The following POC1B variants were observed in gnomAD, a reference collection of about 807,000 sequenced individuals.
POC1B encodes the protein POC1 centriolar protein homolog B.
Under a neutral mutation model 60.6 loss-of-function variants are expected in POC1B, and 44 were observed. That is an observed-to-expected ratio of 0.73 (90% CI 0.57 to 0.93). The LOEUF is 0.93. POC1B is among the 40% of genes least tolerant of loss of function. The pLI is 0.00. For missense variants in POC1B, 555 were observed against 572.3 expected, an observed-to-expected ratio of 0.97 and a Z score of 0.31; for synonymous variants, 180 against 198.9, an observed-to-expected ratio of 0.90 and a Z score of 0.80.
intron 2 of POC1B, among the ~76,000 whole-genome samples, chr12:89,514,184 G>A (rs891255951): frequency 2.0e-5 from 3 of 151,976 alleles, no homozygotes; most frequent in African/African-American, 4.8e-5. Context: ...TCGTGATAGT[G>A]AGTGAGTTCT....
chr12:89,470,422 C>T lies in POC1B; in HGVS notation c.749G>A (p.Gly250Asp). 6.2e-7 allele frequency: 1 copy of T among 1,605,348 alleles called. No individual in the cohort carries two copies. The highest frequency in any genetic ancestry group is 8.5e-7 in the Non-Finnish European group (1 of 1,173,408). ...GNYLITASSDGTLKILDLLEG... is the reference protein window; with the variant it reads ...GNYLITASSDDTLKILDLLEG... The stretch of plus-strand genomic sequence containing the variant: ...TAAGAGGTCCAGAATCTTAAGGGTA[C>T]CATCTGAAGAAGCTGTGATGAGATA... The change falls in exon 7 of 12, where the codon GGT (glycine) becomes GAT (aspartate). Residue 250 changes from glycine to aspartate, a missense_variant. Coordinates refer to ENST00000313546, the MANE Select transcript of POC1B (RefSeq NM_172240.3).
intron 2 of POC1B, among the ~76,000 whole-genome samples, chr12:89,507,266 C>CAA (rs34750133): frequency 0.018 from 1,137 of 63,862 alleles, 83 homozygotes; most frequent in East Asian, 0.084. Context: ...GGCCCTGTCT[C>CAA]AAAAAAAAAA....
intron 9 of POC1B, among the ~76,000 whole-genome samples, chr12:89,465,689 G>A (rs1473080817): frequency 6.6e-6 from 1 of 151,934 alleles, no homozygotes; most frequent in Non-Finnish European, 1.5e-5. Flanking sequence ...CAAAGAAGTG[G>A]TAACATGATT....
At chr12:89,442,082 C>T (rs10858855) in intron 10 of POC1B, among the ~76,000 whole-genome samples, 1 of 151,992 alleles carries the variant, frequency 6.6e-6, no homozygotes, top group Non-Finnish European at 1.5e-5. Context: ...ATGAACAAAG[C>T]CTCCAAGAAA....
At position 89,452,407 on chromosome 12, in the gene POC1B, CT is replaced by C. The variant is rs1013894889; in HGVS notation, c.1113+7230del. On this transcript the variant is annotated intron_variant, in intron 10 of 11. Transcript: ENST00000313546. ...TTTATAAATCCTTTTGTAAATTTTC[CT>C]TTTTTTTTTCTGTCTTCACATTTTA... is the stretch of plus-strand genomic sequence containing the variant. Among the ~76,000 whole-genome samples, 23 of 148,632 alleles carry C rather than the reference CT, an allele frequency of 1.5e-4. No individual in the cohort carries two copies. The East Asian group carries it at 2.0e-3, about 13-fold the overall frequency.
intron 4 of POC1B, among the ~76,000 whole-genome samples, chr12:89,490,400 A>G (rs1868897758): frequency 6.6e-6 from 1 of 152,056 alleles, no homozygotes; most frequent in South Asian, 2.1e-4. Context: ...GATGGAGTGC[A>G]GTGGTATGAT....
intron 2 of POC1B, among the ~76,000 whole-genome samples, chr12:89,514,747 T>A (rs974090708): frequency 1.3e-5 from 2 of 151,882 alleles, no homozygotes; most frequent in African/African-American, 4.8e-5. Context: ...CAGACTAATA[T>A]ATCCTACCTT....
At chr12:89,506,790 AGGTTCCAGCGG>A (rs1164637325) in intron 2 of POC1B, among the ~76,000 whole-genome samples, 1 of 152,056 alleles carries the variant, frequency 6.6e-6, no homozygotes, top group South Asian at 2.1e-4. Context: ...AAGAGAGAGG[AGGTTCCAGCGG>A]GGCTTCCTGG....
chr12:89,509,611 TC>T (rs1349277892), intron 2 of POC1B, among the ~76,000 whole-genome samples: 1 of 152,240 alleles, frequency 6.6e-6, no homozygotes, highest in Non-Finnish European at 1.5e-5. Context: ...CTATTATCTA[TC>T]TATATGTAGG....
chr12:89,524,874 G>T, intron 2 of POC1B: 1 of 648,368 alleles, frequency 1.5e-6, no homozygotes, highest in East Asian at 2.8e-5. Context: ...TGGTTAGTTT[G>T]CGAAAGTCGT....
intron 2 of POC1B, among the ~76,000 whole-genome samples, chr12:89,511,933 A>G (rs536750143): frequency 6.6e-5 from 10 of 152,114 alleles, no homozygotes; most frequent in Non-Finnish European, 1.5e-4. Flanking sequence ...GTGCACCTAT[A>G]GTACTAGCTA....
At chr12:89,442,240 A>G (rs949537551) in intron 10 of POC1B, among the ~76,000 whole-genome samples, 3 of 152,240 alleles carry the variant, frequency 2.0e-5, no homozygotes, top group African/African-American at 7.2e-5. Context: ...ATTCAAATTC[A>G]GGAAATACAG....
intron 9 of POC1B, 186 bp downstream of exon 9, chr12:89,466,584 C>A: frequency 2.1e-6 from 1 of 483,464 alleles, no homozygotes. Flanking sequence ...AGTTTTACTT[C>A]TGGGCCTTCA....
At chr12:89,461,347 T>C (rs986745028) in intron 9 of POC1B, 1 of 152,164 alleles carries the variant, frequency 6.6e-6, no homozygotes, top group Non-Finnish European at 1.5e-5. Context: ...TAAAAGAGCA[T>C]TCTTCATGGC....
intron 4 of POC1B, among the ~76,000 whole-genome samples, chr12:89,486,762 G>T (rs1302162356): frequency 6.6e-6 from 1 of 152,168 alleles, no homozygotes; most frequent in Non-Finnish European, 1.5e-5. Flanking sequence ...GAGCTAAAAT[G>T]AATGTCTTGA....
At chr12:89,417,948 T>C (rs546039698), downstream of POC1B, among the ~76,000 whole-genome samples, 1 of 152,362 alleles carries the variant, frequency 6.6e-6, no homozygotes, top group South Asian at 2.1e-4. Flanking sequence ...ATTGTTATCC[T>C]ATATTCACAC....
chr12:89,481,551 A>T (rs1868364970), intron 4 of POC1B, among the ~76,000 whole-genome samples: 1 of 152,236 alleles, frequency 6.6e-6, no homozygotes, highest in Admixed American at 6.5e-5. Flanking sequence ...ATCAGAACTC[A>T]GGGCTGCTAA....
At chr12:89,506,155 T>A (rs1052120949) in intron 2 of POC1B, among the ~76,000 whole-genome samples, 1 of 152,114 alleles carries the variant, frequency 6.6e-6, no homozygotes, top group Admixed American at 6.5e-5. Context: ...CAGGGAGAGG[T>A]TCTGACTGTA....
chr12:89,446,673 C>T lies in POC1B; in HGVS notation c.1113+12965G>A, dbSNP rs540602343. ...GTAAATGACGAGTTAATGGGTGCAG[C>T]ACACCAACATGGCACATGTACATAT... is the stretch of plus-strand genomic sequence containing the variant. On this transcript the variant is annotated intron_variant, in intron 10 of 11. Transcript: ENST00000313546. 2.0e-4 allele frequency among the ~76,000 whole-genome samples: 30 copies of T among 151,204 alleles called. 1 individual carries two copies. The highest frequency in any genetic ancestry group is 6.8e-4 in the African/African-American group (28 of 41,116).
Sources: allele counts gnomAD v4.1 joint callset (sites outside exome capture counted in the v4.1 genomes callset), GRCh38; gene constraint gnomAD v4.1.1; transcripts MANE v1.5; gene names NCBI Gene and HGNC (gene_info 2026-07-23, HGNC 2026-07-21).